The following DCAF8L2 variants were observed in gnomAD, a reference collection of about 807,000 sequenced individuals.
DCAF8L2 encodes the protein DDB1 and CUL4 associated factor 8 like 2, also known as DDB1- and CUL4-associated factor 8-like protein 2.
For synonymous variants in DCAF8L2, 200 were observed against 190.9 expected, an observed-to-expected ratio of 1.05 and a Z score of -0.39; for missense variants, 430 against 490.7, an observed-to-expected ratio of 0.88 and a Z score of 1.17.
chrX:27,501,868 C>T, the DCAF8L2 span, among the ~76,000 whole-genome samples: 3 of 110,645 alleles, frequency 2.7e-5, no homozygotes, highest in Non-Finnish European at 5.7e-5. Context: ...CTTCTATATA[C>T]CCCCATAAGG....
At chrX:27,500,315 C>T in the DCAF8L2 span, among the ~76,000 whole-genome samples, 1 of 111,235 alleles carries the variant, frequency 9.0e-6, no homozygotes, top group Non-Finnish European at 1.9e-5. Flanking sequence ...ATTTAGAAAT[C>T]AATATACCAA....
intron 4 of DCAF8L2, among the ~76,000 whole-genome samples, chrX:27,728,580 T>C (rs1410813355): frequency 9.0e-6 from 1 of 111,592 alleles, no homozygotes; most frequent in Non-Finnish European, 1.9e-5. Flanking sequence ...ACTTCCCTTT[T>C]TGGAGTCTGC....
chrX:27,728,492 GC>G (rs1472459991), intron 4 of DCAF8L2, among the ~76,000 whole-genome samples: 1 of 111,095 alleles, frequency 9.0e-6, no homozygotes, highest in Non-Finnish European at 1.9e-5. Context: ...TTAAGGGAAA[GC>G]CTTAACCCTT....
the DCAF8L2 span, among the ~76,000 whole-genome samples, chrX:27,527,300 C>A: frequency 2.7e-5 from 3 of 112,222 alleles, no homozygotes. Flanking sequence ...GAGCAAGGTT[C>A]CATGGGTGTA....
the DCAF8L2 span, among the ~76,000 whole-genome samples, chrX:27,526,600 T>C: frequency 8.9e-6 from 1 of 112,619 alleles, no homozygotes. Flanking sequence ...GGAGAGGTGC[T>C]CTGATTTTTA....
At chrX:27,533,949 C>G in the DCAF8L2 span, among the ~76,000 whole-genome samples, 1 of 112,125 alleles carries the variant, frequency 8.9e-6, no homozygotes, top group South Asian at 3.7e-4. Context: ...TGGCTCAGGC[C>G]TGTAATCCCA....
chrX:27,651,505 CTTTT>C, intron 2 of DCAF8L2, among the ~76,000 whole-genome samples: 1 of 88,216 alleles, frequency 1.1e-5, no homozygotes, highest in African/African-American at 4.4e-5. Flanking sequence ...AGTAGATAAC[CTTTT>C]TTTTTTTTTT....
chrX:27,491,423 T>G, the DCAF8L2 span, among the ~76,000 whole-genome samples: 24 of 112,525 alleles, frequency 2.1e-4, no homozygotes, highest in Non-Finnish European at 4.1e-4. Flanking sequence ...GTCTCAATTC[T>G]GTTCTCTTGA....
the DCAF8L2 span, among the ~76,000 whole-genome samples, chrX:27,580,630 G>A: frequency 1.8e-5 from 2 of 111,676 alleles, no homozygotes; most frequent in African/African-American, 3.3e-5. Context: ...GCTTCAACAT[G>A]TTCTTCTAGA....
At chrX:27,641,473 CTTT>C (rs779757306) in intron 2 of DCAF8L2, among the ~76,000 whole-genome samples, 1 of 45,464 alleles carries the variant, frequency 2.2e-5, no homozygotes, top group Admixed American at 2.6e-4. Flanking sequence ...CTTTACTTTT[CTTT>C]TTTTTTTTTT....
the DCAF8L2 span, among the ~76,000 whole-genome samples, chrX:27,494,328 C>T: frequency 1.8e-5 from 2 of 111,287 alleles, no homozygotes; most frequent in African/African-American, 6.5e-5. Flanking sequence ...ATCGCTTGAA[C>T]CTGAGAGGCA....
At chrX:27,518,867 T>C in the DCAF8L2 span, 5,269 of 551,685 alleles carry the variant, frequency 9.6e-3, 196 homozygotes, top group African/African-American at 0.1. Flanking sequence ...ACATCTAAAA[T>C]TGGTTTTCCC....
chrX:27,651,022 C>T (rs1425179354), intron 2 of DCAF8L2, among the ~76,000 whole-genome samples: 4 of 111,699 alleles, frequency 3.6e-5, no homozygotes, highest in Non-Finnish European at 7.5e-5. Context: ...TGGAGTTTAT[C>T]AAAAGCTTTT....
At chrX:27,519,583 A>C in the DCAF8L2 span, 2 of 669,234 alleles carry the variant, frequency 3.0e-6, no homozygotes, top group Middle Eastern at 3.1e-4. Flanking sequence ...ACCACCAGTC[A>C]TTCCTCCGAC....
the DCAF8L2 span, among the ~76,000 whole-genome samples, chrX:27,558,065 A>G: frequency 9.0e-6 from 1 of 111,210 alleles, no homozygotes; most frequent in Non-Finnish European, 1.9e-5. Context: ...TGGTTTATGC[A>G]CTGGCATGAC....
intron 1 of DCAF8L2, among the ~76,000 whole-genome samples, chrX:27,621,420 A>G (rs1927752733): frequency 9.0e-6 from 1 of 111,683 alleles, no homozygotes. Context: ...AAAATAGGAA[A>G]AAATAATAAG....
At chrX:27,591,992 C>T (rs1397068489) in intron 1 of DCAF8L2, among the ~76,000 whole-genome samples, 1 of 112,849 alleles carries the variant, frequency 8.9e-6, no homozygotes, top group Non-Finnish European at 1.9e-5. Flanking sequence ...GCTTTTGTCC[C>T]ATTTGAAGTG....
the DCAF8L2 span, among the ~76,000 whole-genome samples, chrX:27,567,438 A>G: frequency 1.9e-5 from 2 of 104,173 alleles, no homozygotes; most frequent in Non-Finnish European, 3.9e-5. Context: ...TATAATTGTT[A>G]TAAGTCCCTA....
chrX:27,723,978 C>T (rs943108211), intron 4 of DCAF8L2, among the ~76,000 whole-genome samples: 6 of 110,527 alleles, frequency 5.4e-5, no homozygotes, highest in Admixed American at 3.9e-4. Context: ...TGGTGTGCTA[C>T]CTTTTTTTTC....
Sources: gnomAD v4.1 joint callset for allele counts (sites outside exome capture counted in the v4.1 genomes callset) on GRCh38, gnomAD v4.1.1 for gene constraint, MANE v1.5 for transcripts, NCBI Gene and HGNC (gene_info 2026-07-23, HGNC 2026-07-21) for gene names.